PPP2R1B: variants seen among roughly 807,000 people sequenced by gnomAD.
The protein encoded by PPP2R1B is protein phosphatase 2 scaffold subunit Abeta.
Under a neutral mutation model 72.7 loss-of-function variants are expected in PPP2R1B, and 58 were observed. The observed-to-expected ratio is 0.80, with a 90% CI of 0.65 to 0.99. The LOEUF (loss-of-function observed/expected upper bound fraction) is 0.99, where lower values mean the gene tolerates loss of function less well. Ranked by LOEUF, PPP2R1B falls within the 50% of genes least tolerant of loss-of-function variation. The pLI, the probability that PPP2R1B is intolerant of heterozygous loss-of-function variation, is 0.00. For missense variants in PPP2R1B, 695 were observed against 733.6 expected (o/e 0.95, Z 0.61); for synonymous variants, 256 against 264.6 (o/e 0.97, Z 0.32).
At chr11:111,724,195 C>G, downstream of PPP2R1B, 1 of 1,528,514 alleles carries the variant, frequency 6.5e-7, no homozygotes, top group Non-Finnish European at 8.7e-7. Context: ...TTATTCCAGC[C>G]TTTTAAATTT....
intron 11 of PPP2R1B, 131 bp from the exon 12 acceptor site, chr11:111,743,661 T>C (rs1008655765): frequency 1.4e-5 from 16 of 1,124,490 alleles, no homozygotes; most frequent in Non-Finnish European, 1.9e-5. Context: ...CATGTAATCA[T>C]GCTGCAATGA....
the PPP2R1B span, among the ~76,000 whole-genome samples, chr11:111,694,204 T>G: frequency 6.6e-6 from 1 of 152,210 alleles, no homozygotes; most frequent in East Asian, 1.9e-4. Context: ...CTTAAAATTT[T>G]AATAGCCATA....
downstream of PPP2R1B, among the ~76,000 whole-genome samples, chr11:111,734,127 C>T (rs943926305): frequency 6.6e-6 from 1 of 152,212 alleles, no homozygotes; most frequent in Non-Finnish European, 1.5e-5. Flanking sequence ...TGGCCTGGCA[C>T]TCCTGGAAGA....
downstream of PPP2R1B, among the ~76,000 whole-genome samples, chr11:111,735,949 A>G (rs1479620381): frequency 1.3e-5 from 2 of 152,072 alleles, no homozygotes; most frequent in East Asian, 3.9e-4. Context: ...CCCTCGGGTC[A>G]TTTTCCTTAA....
rs1169099455 is a variant in PPP2R1B at position 111,754,039 on chromosome 11, C to T, written c.1029+460G>A. The stretch of plus-strand genomic sequence containing the variant: ...TCAAGCAATCCTCCCACCTCAGACT[C>T]CCAAGTAGCTGGTACTACAGGTGCA... On this transcript the variant is annotated intron_variant, in intron 8 of 14. Coordinates refer to ENST00000527614, the MANE Select transcript of PPP2R1B (RefSeq NM_002716.5). Among the ~76,000 whole-genome samples the T allele has an allele frequency of 2.0e-5, 3 of 152,060 alleles. No individual in the cohort carries two copies. In the East Asian group the frequency reaches 5.8e-4, roughly 29 times the overall value.
the PPP2R1B span, among the ~76,000 whole-genome samples, chr11:111,697,252 G>C: frequency 2.0e-5 from 3 of 152,282 alleles, no homozygotes; most frequent in Non-Finnish European, 4.4e-5. Flanking sequence ...TATCTTCAGA[G>C]AGTTTAAATC....
At chr11:111,749,992 G>T (rs1944843051) in intron 10 of PPP2R1B, among the ~76,000 whole-genome samples, 1 of 152,218 alleles carries the variant, frequency 6.6e-6, no homozygotes, top group African/African-American at 2.4e-5. Flanking sequence ...CTGAAAAGTA[G>T]ATCCATGACA....
chr11:111,737,749 G>T, downstream of PPP2R1B: 1 of 1,335,694 alleles, frequency 7.5e-7, no homozygotes, highest in Non-Finnish European at 9.9e-7. Flanking sequence ...GGGTCGTGCT[G>T]AGGTGCCTTT....
downstream of PPP2R1B, chr11:111,726,784 C>G: frequency 1.7e-6 from 1 of 603,118 alleles, no homozygotes; most frequent in South Asian, 2.2e-5. Flanking sequence ...GACTTGCTTT[C>G]CAGTCTGATT....
rs1406622544 is a variant in PPP2R1B, at chr11:111,742,418, TAAGTA to T, written c.1697+100_1697+104del. 2.1e-5 allele frequency: 27 copies of T among 1,292,998 alleles called. No homozygotes were observed. The East Asian group carries it at 5.3e-4, about 25-fold the overall frequency. The allele number at this position is 1,292,998 out of a possible 1,614,324, so 80.1% of individuals were successfully genotyped here. ...ATTTTCTTTAAGCAAACCCAGATCT[TAAGTA>T]AAGTGAAAATCCCTGAACTTAATTT... On this transcript the variant is annotated intron_variant, in intron 13 of 14. Transcript: ENST00000527614.
At chr11:111,700,092 A>G in the PPP2R1B span, among the ~76,000 whole-genome samples, 1 of 152,238 alleles carries the variant, frequency 6.6e-6, no homozygotes, top group Non-Finnish European at 1.5e-5. Context: ...GCAAAAGGGT[A>G]TGAACTTGCA....
At position 111,738,475 on chromosome 11, in the gene PPP2R1B, G is replaced by A. The variant is rs1298129918; in HGVS notation, c.*3121C>T. The A allele has an allele frequency of 2.0e-6, 2 of 985,408 alleles. No homozygotes were observed. Among genetic ancestry groups the A allele is most frequent in the Non-Finnish European group, 2.4e-6 (2 of 829,960 alleles). The allele number at this position is 985,408 out of a possible 1,614,324, so 61.0% of individuals were successfully genotyped here. On this transcript the variant is annotated 3_prime_UTR_variant, in exon 15 of 15. Transcript: ENST00000527614. ...GGAACAAAAGTGCACCAGGTTAACC[G>A]CCGGGTCAGGAAGGACAGGCTTGCT...
At chr11:111,691,617 A>G in the PPP2R1B span, among the ~76,000 whole-genome samples, 1 of 152,116 alleles carries the variant, frequency 6.6e-6, no homozygotes, top group Admixed American at 6.5e-5. Flanking sequence ...GGGGTCCATC[A>G]TTCTATGGTT....
In PPP2R1B at chr11:111,752,399, C is replaced by A; in HGVS notation, c.1165-67G>T. 9 of 1,443,760 alleles carry A rather than the reference C, an allele frequency of 6.2e-6. No individual in the cohort carries two copies. In the South Asian group the frequency reaches 7.6e-5, roughly 12 times the overall value. The allele number at this position is 1,443,760 out of a possible 1,614,324, so 89.4% of individuals were successfully genotyped here. On this transcript the variant is annotated intron_variant, in intron 9 of 14. Coordinates refer to ENST00000527614, the MANE Select transcript of PPP2R1B (RefSeq NM_002716.5). ...AGTACTCTGCCCAACAGTCTCCTGT[C>A]AGGGTAAGATAAAAGGTGAGGTAAG... is the stretch of plus-strand genomic sequence containing the variant.
chr11:111,715,770 A>C, the PPP2R1B span, among the ~76,000 whole-genome samples: 1 of 143,744 alleles, frequency 7.0e-6, no homozygotes, highest in Non-Finnish European at 1.5e-5. Context: ...ATACATATAC[A>C]CGCACACTTG....
chr11:111,752,740 C>T (rs1246021773), intron 9 of PPP2R1B, among the ~76,000 whole-genome samples: 2 of 152,142 alleles, frequency 1.3e-5, no homozygotes, highest in Non-Finnish European at 2.9e-5. Flanking sequence ...CTTTGGGAGG[C>T]CGAGACGGGC....
At chr11:111,746,289 G>A (rs186123893) in intron 11 of PPP2R1B, among the ~76,000 whole-genome samples, 6 of 152,082 alleles carry the variant, frequency 3.9e-5, no homozygotes, top group East Asian at 1.9e-4. Context: ...AATACTATGC[G>A]GCCATAAAAA....
chr11:111,691,168 G>A, the PPP2R1B span, among the ~76,000 whole-genome samples: 1 of 152,268 alleles, frequency 6.6e-6, no homozygotes. Flanking sequence ...TGTTTCTGAT[G>A]TCATTGTGTG....
At chr11:111,688,215 A>T in the PPP2R1B span, 2 of 1,593,158 alleles carry the variant, frequency 1.3e-6, no homozygotes, top group Admixed American at 3.4e-5. This position sits in a 1 kb window ranked among gnomAD's most constrained non-coding sequence, Gnocchi z 4.2. Context: ...CACTGCACTC[A>T]GTGTGTGGAA....
Sources: allele counts gnomAD v4.1 joint callset (sites outside exome capture counted in the v4.1 genomes callset), GRCh38; gene constraint gnomAD v4.1.1; non-coding constraint Gnocchi (gnomAD v3.1); transcripts MANE v1.5; gene names NCBI Gene and HGNC (gene_info 2026-07-23, HGNC 2026-07-21).